The following TREH variants were observed in gnomAD, a reference collection of about 807,000 sequenced individuals.
TREH encodes trehalase.
In TREH, 69 loss-of-function variants were observed where a neutral mutation model predicts 80.5. The ratio of observed to expected loss-of-function variants is 0.86; its 90% CI spans 0.71 to 1.05. TREH has a LOEUF of 1.05. TREH is among the 50% of genes least tolerant of loss of function. TREH has a pLI of 0.00. For missense variants in TREH, 716 were observed against 718.8 expected (o/e 1.00, Z 0.04); for synonymous variants, 309 against 293.5 (o/e 1.05, Z -0.54).
intron 11 of TREH, 105 bp downstream of exon 11, chr11:118,659,642 C>A (rs1949287890): frequency 4.9e-6 from 7 of 1,428,082 alleles, no homozygotes; most frequent in Non-Finnish European, 6.7e-6. Context: ...CAGGCTGGGA[C>A]AAGGGGCATA....
In TREH at chr11:118,661,671, C is replaced by A; in HGVS notation, c.583G>T (p.Gly195Cys). 1 of 1,613,992 alleles carries A rather than the reference C, an allele frequency of 6.2e-7. No individual in the cohort carries two copies. Among genetic ancestry groups the A allele is most frequent in the South Asian group, 1.1e-5 (1 of 91,080 alleles). Residue 195 changes from glycine (G) to cysteine (C), a missense_variant, in exon 6 of 15, where the codon GGC (glycine) becomes TGC (cysteine). Physicochemically the swap from Gly to Cys is radical, Grantham distance 159. Coordinates refer to ENST00000264029, the MANE Select transcript of TREH (RefSeq NM_007180.3). The surrounding 1 kb of genome is among the most constrained non-coding windows in gnomAD (Gnocchi z 4.2). ...AGGTCCAAGAAGTTCTGCAGCATGC[C>A]CTTCACCGTCTCAGCCATCTCTGAG... ...LLSEMAETVK[G>C]MLQNFLDLVK...
chr11:118,660,180 G>A (rs1949303274), intron 10 of TREH, among the ~76,000 whole-genome samples: 1 of 152,178 alleles, frequency 6.6e-6, no homozygotes, highest in Admixed American at 6.5e-5. Flanking sequence ...TCTGTCCCCA[G>A]GGTCTCCAGG....
At chr11:118,677,500 C>A (rs184325344) in intron 1 of TREH, among the ~76,000 whole-genome samples, 1 of 152,018 alleles carries the variant, frequency 6.6e-6, no homozygotes, top group Non-Finnish European at 1.5e-5. Context: ...CTGAGGCAGG[C>A]GGATCACAAG....
intron 1 of TREH, among the ~76,000 whole-genome samples, chr11:118,677,703 G>A (rs191836852): frequency 6.0e-4 from 92 of 152,214 alleles, no homozygotes; most frequent in African/African-American, 2.0e-3. Flanking sequence ...CCAACCTGGC[G>A]ACAGAGCGAG....
rs1414857316 is a variant in TREH, at chr11:118,674,093, C to CCT, written c.89+5445_89+5446insAG. On this transcript the variant is annotated intron_variant, in intron 1 of 14. Transcript: ENST00000264029. The surrounding 1 kb of genome is among the most constrained non-coding windows in gnomAD (Gnocchi z 4.4). ...GCCATTTCCATTTCATTATGGAACTCTTCTGGGCCCTGCCCACTCTCTGTG... is the reference window on the plus strand; with the variant it reads ...GCCATTTCCATTTCATTATGGAACTCCTTTCTGGGCCCTGCCCACTCTCTGTG... 6.6e-6 allele frequency among the ~76,000 whole-genome samples: 1 copy of CCT among 152,218 alleles called. No individual in the cohort carries two copies. Among genetic ancestry groups the CCT allele is most frequent in the African/African-American group, 2.4e-5 (1 of 41,436 alleles).
At position 118,660,767 on chromosome 11, in the gene TREH, G is replaced by A. The variant is rs572792365; in HGVS notation, c.908-34C>T. ...ACAGAGCAGGGAACCAGCCAGTCCCGGCTGCAGGATAGGCAGCCATTGACA... is the reference window on the plus strand; with the variant it reads ...ACAGAGCAGGGAACCAGCCAGTCCCAGCTGCAGGATAGGCAGCCATTGACA... On this transcript the variant is annotated intron_variant, in intron 9 of 14. Coordinates refer to ENST00000264029, the MANE Select transcript of TREH (RefSeq NM_007180.3). The A allele has an allele frequency of 7.3e-5, 114 of 1,552,050 alleles. No individual in the cohort carries two copies. In the South Asian group the frequency reaches 1.1e-3, roughly 14 times the overall value.
rs1949281538 is a variant in TREH, at chr11:118,659,464, A to G, written c.1338T>C (p.Thr446=). The G allele has an allele frequency of 6.2e-7, 1 of 1,601,280 alleles. No homozygotes were observed. Among genetic ancestry groups the G allele is most frequent in the South Asian group, 1.1e-5 (1 of 89,060 alleles). Residue 446 remains threonine (T), a synonymous_variant, in exon 12 of 15, where the codon ACT becomes ACC. Coordinates refer to ENST00000264029, the MANE Select transcript of TREH (RefSeq NM_007180.3). ...GAGAGGTCGGGATCCCATACTGGTA[A>G]GTCAGGATCCGGTTGTCCTAGAAGG... is the stretch of plus-strand genomic sequence containing the variant. ...LKYLEDNRIL[T]YQYGIPTSLQ...
chr11:118,675,552 C>T (rs1014391235), intron 1 of TREH, among the ~76,000 whole-genome samples: 2 of 152,138 alleles, frequency 1.3e-5, no homozygotes, highest in Non-Finnish European at 2.9e-5. Context: ...TATAAGAATA[C>T]AAGCCAGGAT....
In TREH at chr11:118,659,025, C is replaced by T. The variant is rs1555144195; in HGVS notation, c.1433-8G>A. 6.2e-7 allele frequency: 1 copy of T among 1,613,024 alleles called. No individual in the cohort carries two copies. Among genetic ancestry groups the T allele is most frequent in the Non-Finnish European group, 8.5e-7 (1 of 1,179,486 alleles). ...AAGGTGCCTTGGCCAGGCCTAGACC[C>T]CATTGCAGGCAGGACTCAACCTCCA... On this transcript the variant is annotated splice_region_variant and splice_polypyrimidine_tract_variant and intron_variant, in intron 12 of 14. Coordinates refer to ENST00000264029, the MANE Select transcript of TREH (RefSeq NM_007180.3).
intron 14 of TREH, 58 bp from the exon 15 acceptor site, chr11:118,658,499 G>C: frequency 6.3e-7 from 1 of 1,578,218 alleles, no homozygotes; most frequent in Non-Finnish European, 8.6e-7. Flanking sequence ...CCTTGGTGGG[G>C]GCTGTGGGCT....
intron 1 of TREH, among the ~76,000 whole-genome samples, chr11:118,673,864 GCTGTTC>G (rs1555146564): frequency 1.3e-5 from 2 of 152,154 alleles, no homozygotes; most frequent in African/African-American, 2.4e-5. Context: ...CAAACAATAG[GCTGTTC>G]ATTCACCTTG....
At chr11:118,678,758 C>T (rs1392492865) in intron 1 of TREH, among the ~76,000 whole-genome samples, 14 of 151,348 alleles carry the variant, frequency 9.3e-5, no homozygotes, top group Admixed American at 9.2e-4. Context: ...GGGTGGACAT[C>T]GCCTGAGTCC....
intron 1 of TREH, 124 bp from the exon 2 acceptor site, chr11:118,663,563 G>A (rs1949349403): frequency 2.7e-6 from 2 of 745,270 alleles, no homozygotes; most frequent in Non-Finnish European, 4.5e-6. Context: ...AGGGCTGTGT[G>A]TGCGTGCGTG....
chr11:118,659,272 G>A, intron 12 of TREH, 98 bp downstream of exon 12: 2 of 1,035,344 alleles, frequency 1.9e-6, no homozygotes, highest in Non-Finnish European at 2.8e-6. Flanking sequence ...AAGGATACGG[G>A]GCCTCTTGTG....
At chr11:118,678,206 C>A (rs1320064269) in intron 1 of TREH, among the ~76,000 whole-genome samples, 1 of 152,146 alleles carries the variant, frequency 6.6e-6, no homozygotes, top group Non-Finnish European at 1.5e-5. Context: ...CAGATCAGCT[C>A]AGCAATGGTT....
intron 1 of TREH, among the ~76,000 whole-genome samples, chr11:118,671,643 T>C (rs1555146284): frequency 6.6e-6 from 1 of 152,040 alleles, no homozygotes; most frequent in Non-Finnish European, 1.5e-5. Flanking sequence ...AAAGGGATAA[T>C]AACAGAGAAC....
intron 11 of TREH, 83 bp downstream of exon 11, chr11:118,659,664 C>T (rs1949289162): frequency 6.7e-7 from 1 of 1,487,616 alleles, no homozygotes; most frequent in Non-Finnish European, 9.1e-7. Flanking sequence ...CCGGAGGAAG[C>T]GCCCTCCCCT....
rs190974375 is a variant in TREH, at chr11:118,669,524, T to G, written c.90-6085A>C. Among the ~76,000 whole-genome samples the G allele has an allele frequency of 1.3e-4, 20 of 152,332 alleles. No homozygotes were observed. In the East Asian group the frequency reaches 3.9e-3, roughly 29 times the overall value. On this transcript the variant is annotated intron_variant, in intron 1 of 14. Coordinates refer to ENST00000264029, the MANE Select transcript of TREH (RefSeq NM_007180.3). ...AGTACTATTCAGCCATAAAAAGGAA[T>G]GAGATCCTGCCATTTGCAAGAACAT... is the stretch of plus-strand genomic sequence containing the variant.
intron 1 of TREH, among the ~76,000 whole-genome samples, chr11:118,666,393 T>C (rs1018360462): frequency 1.3e-5 from 2 of 152,218 alleles, no homozygotes; most frequent in Non-Finnish European, 2.9e-5. Flanking sequence ...AGCACGATTA[T>C]ACCAGATGCC....
Sources: allele counts gnomAD v4.1 joint callset (sites outside exome capture counted in the v4.1 genomes callset), GRCh38; gene constraint gnomAD v4.1.1; non-coding constraint Gnocchi (gnomAD v3.1); transcripts MANE v1.5; gene names NCBI Gene and HGNC (gene_info 2026-07-23, HGNC 2026-07-21).